Variants in TEC observed in about 807,000 individuals in gnomAD.
TEC encodes the protein tyrosine-protein kinase Tec.
Under a neutral mutation model 93.0 loss-of-function variants are expected in TEC, and 72 were observed. That is an observed-to-expected ratio of 0.77 (90% CI 0.64 to 0.94). The LOEUF is 0.94. Ranked by LOEUF, TEC falls within the 40% of genes least tolerant of loss-of-function variation. The probability of loss-of-function intolerance (pLI) is 0.00; values close to 1 mark genes in which losing one functional copy is unlikely to be tolerated. For synonymous variants in TEC, 249 were observed against 247.7 expected, an observed-to-expected ratio of 1.01 and a Z score of -0.05; for missense variants, 630 against 757.9, an observed-to-expected ratio of 0.83 and a Z score of 1.98.
chr4:48,267,562 C>A (rs1246024886), intron 1 of TEC, among the ~76,000 whole-genome samples: 1 of 152,204 alleles, frequency 6.6e-6, no homozygotes, highest in African/African-American at 2.4e-5. Context: ...TTCCAACAGA[C>A]TTGAATGCCC....
At chr4:48,220,157 A>G (rs1335381886) in intron 2 of TEC, among the ~76,000 whole-genome samples, 1 of 150,436 alleles carries the variant, frequency 6.6e-6, no homozygotes, top group Non-Finnish European at 1.5e-5. Context: ...ATTCCTAAAT[A>G]CATTTAGGAT....
intron 2 of TEC, among the ~76,000 whole-genome samples, chr4:48,218,635 G>A (rs1463988430): frequency 6.6e-6 from 1 of 152,036 alleles, no homozygotes; most frequent in Non-Finnish European, 1.5e-5. Flanking sequence ...TTTCCACTTG[G>A]GGAACCACCT....
chr4:48,211,639 G>C (rs151182298), intron 2 of TEC, among the ~76,000 whole-genome samples: 1 of 152,178 alleles, frequency 6.6e-6, no homozygotes, highest in African/African-American at 2.4e-5. Context: ...TTTCTCTGCT[G>C]TTGAGATAGA....
intron 14 of TEC, among the ~76,000 whole-genome samples, chr4:48,143,477 T>G (rs1350433619): frequency 6.6e-6 from 1 of 152,228 alleles, no homozygotes; most frequent in East Asian, 1.9e-4. Flanking sequence ...ATGATAACAA[T>G]AACTGATGTT....
At chr4:48,147,088 T>C (rs1719947208) in intron 11 of TEC, among the ~76,000 whole-genome samples, 1 of 152,236 alleles carries the variant, frequency 6.6e-6, no homozygotes, top group South Asian at 2.1e-4. Context: ...TTGATATATG[T>C]TTGTTGAATG....
At chr4:48,168,733 G>A in intron 5 of TEC, 107 bp from the exon 6 acceptor site, 3 of 1,186,248 alleles carry the variant, frequency 2.5e-6, no homozygotes, top group Non-Finnish European at 3.6e-6. Flanking sequence ...ACATAGACAA[G>A]CAGCACACTC....
intron 1 of TEC, among the ~76,000 whole-genome samples, chr4:48,259,654 T>C (rs1156656947): frequency 1.3e-5 from 2 of 150,428 alleles, no homozygotes; most frequent in African/African-American, 2.5e-5. Flanking sequence ...AGGTGAAGAT[T>C]GCAGTGAGTC....
intron 2 of TEC, among the ~76,000 whole-genome samples, chr4:48,194,920 G>A (rs1290123980): frequency 6.6e-6 from 1 of 152,100 alleles, no homozygotes; most frequent in African/African-American, 2.4e-5. Context: ...CCAACTTACA[G>A]CAAACTTTTG....
chr4:48,212,109 AAAT>A lies in TEC; in HGVS notation c.138+16365_138+16367del, dbSNP rs1286821695. 3.6e-4 allele frequency among the ~76,000 whole-genome samples: 36 copies of A among 101,222 alleles called. No individual in the cohort carries two copies. In the East Asian group the frequency reaches 4.2e-3, roughly 12 times the overall value. 66.4% of individuals were successfully genotyped at this position (101,222 alleles called of 152,430 possible). On this transcript the variant is annotated intron_variant, in intron 2 of 17. Coordinates refer to ENST00000381501, the MANE Select transcript of TEC (RefSeq NM_003215.3). ...GTGAGACTCTGTCTCAAAAAAAAAAAAATATATATATATATATATATATGTATA... is the reference window on the plus strand; with the variant it reads ...GTGAGACTCTGTCTCAAAAAAAAAAAATATATATATATATATATATGTATA...
In TEC at chr4:48,150,451, T is replaced by C. The variant is rs996237956; in HGVS notation, c.872+412A>G. 7.1e-4 allele frequency among the ~76,000 whole-genome samples: 107 copies of C among 151,746 alleles called. 1 individual carries two copies. The highest frequency in any genetic ancestry group is 2.4e-3 in the African/African-American group (98 of 41,370). Reference sequence around the variant, plus strand: ...ATGTGCCTGGGCTGTGTATGTACCATCCCCCATCCCCAAACCCGCCACACA... The same window carrying C: ...ATGTGCCTGGGCTGTGTATGTACCACCCCCCATCCCCAAACCCGCCACACA... On this transcript the variant is annotated intron_variant, in intron 10 of 17. Coordinates refer to ENST00000381501, the MANE Select transcript of TEC (RefSeq NM_003215.3).
intron 2 of TEC, among the ~76,000 whole-genome samples, chr4:48,213,666 A>G (rs1227476158): frequency 6.6e-6 from 1 of 152,244 alleles, no homozygotes; most frequent in African/African-American, 2.4e-5. Flanking sequence ...AAAATGTAGT[A>G]TCACTTTCTT....
At chr4:48,214,620 G>A (rs1433838349) in intron 2 of TEC, among the ~76,000 whole-genome samples, 1 of 152,186 alleles carries the variant, frequency 6.6e-6, no homozygotes, top group African/African-American at 2.4e-5. Flanking sequence ...GGGAGGCCAA[G>A]GCGGGTGGAT....
intron 2 of TEC, among the ~76,000 whole-genome samples, chr4:48,226,524 C>T (rs76538629): frequency 0.01 from 1,586 of 152,132 alleles, 21 homozygotes; most frequent in African/African-American, 0.036. Flanking sequence ...ATCCACTTCC[C>T]GTTAATAAAT....
At chr4:48,149,819 T>C in intron 10 of TEC, 129 bp from the exon 11 acceptor site, 1 of 826,168 alleles carries the variant, frequency 1.2e-6, no homozygotes, top group Non-Finnish European at 1.7e-6. Context: ...CAAATTTTAC[T>C]TTCCCCTTGT....
intron 2 of TEC, among the ~76,000 whole-genome samples, chr4:48,200,978 T>C (rs1722485191): frequency 6.6e-6 from 1 of 152,216 alleles, no homozygotes; most frequent in South Asian, 2.1e-4. Flanking sequence ...GTTTAAACTA[T>C]TACTTAGGGA....
At chr4:48,160,737 A>AAAAAAAAAG (rs1553885872) in intron 8 of TEC, among the ~76,000 whole-genome samples, 1 of 131,350 alleles carries the variant, frequency 7.6e-6, no homozygotes, top group East Asian at 2.4e-4. Context: ...CAGAAAAAAA[A>AAAAAAAAAG]AAAGAAAGAA....
intron 1 of TEC, among the ~76,000 whole-genome samples, chr4:48,241,216 T>G (rs1350503336): frequency 5.4e-5 from 8 of 147,646 alleles, no homozygotes; most frequent in Non-Finnish European, 1.2e-4. Context: ...GCTGTTTCTG[T>G]TTTTTTTTTT....
chr4:48,238,146 A>C (rs1021534762), intron 1 of TEC, among the ~76,000 whole-genome samples: 2 of 152,232 alleles, frequency 1.3e-5, no homozygotes, highest in African/African-American at 4.8e-5. Context: ...AATAGAGTAC[A>C]TTCTAGGCTC....
intron 2 of TEC, among the ~76,000 whole-genome samples, chr4:48,197,311 C>A (rs771440087): frequency 6.6e-6 from 1 of 152,180 alleles, no homozygotes; most frequent in African/African-American, 2.4e-5. Context: ...AAGTACTCAA[C>A]CTCTCTGTTC....
Sources: allele counts gnomAD v4.1 joint callset (sites outside exome capture counted in the v4.1 genomes callset), GRCh38; gene constraint gnomAD v4.1.1; transcripts MANE v1.5; gene names NCBI Gene and HGNC (gene_info 2026-07-23, HGNC 2026-07-21).